The following ELP3 variants were observed in gnomAD, a reference collection of about 807,000 sequenced individuals.
ELP3 encodes elongator complex protein 3.
In ELP3, 56 loss-of-function variants were observed where a neutral mutation model predicts 74.9. That is an observed-to-expected ratio of 0.75 (90% CI 0.60 to 0.93). The LOEUF (loss-of-function observed/expected upper bound fraction) is 0.93. Among genes scored for constraint, ELP3 ranks in the 40% least tolerant of loss-of-function variants. ELP3 has a pLI of 0.00. For synonymous variants in ELP3, 222 were observed against 239.8 expected (o/e 0.93, Z 0.68); for missense variants, 573 against 686.5 (o/e 0.83, Z 1.85).
intron 14 of ELP3, among the ~76,000 whole-genome samples, chr8:28,186,786 C>T (rs1815256477): frequency 6.6e-6 from 1 of 152,198 alleles, no homozygotes; most frequent in South Asian, 2.1e-4. Context: ...CCTGTTAGTC[C>T]ATGAATAGAT....
chr8:28,167,130 G>A (rs988659450), intron 14 of ELP3, among the ~76,000 whole-genome samples: 2 of 152,216 alleles, frequency 1.3e-5, no homozygotes, highest in Admixed American at 1.3e-4. Context: ...CAGAGAAGGG[G>A]AGAGGAGAGA....
At chr8:28,128,042 T>C (rs997218155) in intron 7 of ELP3, among the ~76,000 whole-genome samples, 1 of 152,206 alleles carries the variant, frequency 6.6e-6, no homozygotes, top group African/African-American at 2.4e-5. Flanking sequence ...ATTTTTACTT[T>C]TCAGTAAAGA....
chr8:28,135,247 T>C (rs951071519), intron 9 of ELP3, among the ~76,000 whole-genome samples: 1 of 152,184 alleles, frequency 6.6e-6, no homozygotes, highest in Non-Finnish European at 1.5e-5. Flanking sequence ...TCCTTATGCT[T>C]TTAAGAGTAG....
At chr8:28,150,378 C>A (rs79519536) in intron 10 of ELP3, among the ~76,000 whole-genome samples, 3,796 of 152,204 alleles carry the variant, frequency 0.025, 178 homozygotes, top group African/African-American at 0.087. Flanking sequence ...TTTAACGTTT[C>A]TTGCAAGGCA....
chr8:28,111,698 A>G (rs1811922572), intron 6 of ELP3, among the ~76,000 whole-genome samples: 2 of 152,228 alleles, frequency 1.3e-5, no homozygotes, highest in South Asian at 4.1e-4. Context: ...ATGTAAAACT[A>G]TTGAGCATGA....
At chr8:28,111,915 A>G (rs1285171984) in intron 6 of ELP3, among the ~76,000 whole-genome samples, 1 of 152,178 alleles carries the variant, frequency 6.6e-6, no homozygotes, top group Non-Finnish European at 1.5e-5. Context: ...TTTGATGAGT[A>G]TCTCTTGTAA....
chr8:28,118,150 G>A (rs979537041), intron 7 of ELP3, among the ~76,000 whole-genome samples: 1 of 152,024 alleles, frequency 6.6e-6, no homozygotes, highest in East Asian at 1.9e-4. Context: ...AGCTTAGCAG[G>A]GTTTTTTAAA....
chr8:28,122,795 G>A (rs539287996), intron 7 of ELP3, among the ~76,000 whole-genome samples: 13 of 151,834 alleles, frequency 8.6e-5, no homozygotes, highest in South Asian at 2.1e-4. Flanking sequence ...CTTTCTTTCC[G>A]TTTAATTGCT....
chr8:28,156,665 C>T (rs1201199842), intron 11 of ELP3, among the ~76,000 whole-genome samples: 1 of 152,148 alleles, frequency 6.6e-6, no homozygotes, highest in Non-Finnish European at 1.5e-5. Flanking sequence ...AGGGCCGACT[C>T]CTGGGCTCTG....
chr8:28,163,290 C>T (rs1258491943), intron 14 of ELP3, among the ~76,000 whole-genome samples: 5 of 152,088 alleles, frequency 3.3e-5, no homozygotes, highest in African/African-American at 9.7e-5. Context: ...TTTGTTTTCC[C>T]ATTAGACTAC....
At chr8:28,092,888 T>C (rs1396481299), upstream of ELP3, 1 of 363,690 alleles carries the variant, frequency 2.7e-6, no homozygotes, top group East Asian at 7.0e-5. Context: ...GCGCAGCCTC[T>C]ATCCAGGAAC....
intron 3 of ELP3, 150 bp downstream of exon 3, chr8:28,100,116 C>T (rs1363631346): frequency 1.1e-6 from 1 of 943,074 alleles, no homozygotes; most frequent in African/African-American, 1.6e-5. Flanking sequence ...GAGTGGAGAC[C>T]TGTGCTGAAT....
chr8:28,132,440 C>T (rs1812819847), intron 9 of ELP3, 36 bp downstream of exon 9: 1 of 1,613,140 alleles, frequency 6.2e-7, no homozygotes, highest in African/African-American at 1.3e-5. Flanking sequence ...TTCAGAATGG[C>T]TCTGCATGTT....
intron 14 of ELP3, among the ~76,000 whole-genome samples, chr8:28,187,402 C>G (rs536155607): frequency 5.3e-5 from 8 of 152,290 alleles, no homozygotes; most frequent in African/African-American, 1.9e-4. Context: ...AAAACAAAAT[C>G]CCTGCCCTCC....
At position 28,102,333 on chromosome 8, in the gene ELP3, A is replaced by C. The variant is rs115539489; in HGVS notation, c.258+2367A>C. 6.5e-3 allele frequency among the ~76,000 whole-genome samples: 988 copies of C among 152,260 alleles called. 14 individuals carry two copies. Among genetic ancestry groups the C allele is most frequent in the African/African-American group, 0.022 (920 of 41,556 alleles). On this transcript the variant is annotated intron_variant, in intron 3 of 14. Coordinates refer to ENST00000256398, the MANE Select transcript of ELP3 (RefSeq NM_018091.6). ...ATGTTAGTTCATGGTACCACCGTGC[A>C]CTCAGTTTCCAAAAAATGTGAAATG...
chr8:28,160,387 A>G lies in ELP3; in HGVS notation c.1416A>G (p.Val472=). The G allele has an allele frequency of 6.2e-7, 1 of 1,614,204 alleles. No homozygotes were observed. The highest frequency in any genetic ancestry group is 8.5e-7 in the Non-Finnish European group (1 of 1,180,042). The change falls in exon 13 of 15, where the codon GTA becomes GTG. Residue 472 remains valine (V), a synonymous_variant. Coordinates refer to ENST00000256398, the MANE Select transcript of ELP3 (RefSeq NM_018091.6). ...AATTGGGTGGAGGTGTCTCCATAGT[A>G]CGAGAGCTGCATGTGTATGGGAGTG... is the stretch of plus-strand genomic sequence containing the variant. The part of the protein sequence containing the change: ...RFELGGGVSI[V]RELHVYGSVV...
chr8:28,094,598 A>T (rs1811179005), intron 1 of ELP3, among the ~76,000 whole-genome samples: 1 of 151,838 alleles, frequency 6.6e-6, no homozygotes, highest in Non-Finnish European at 1.5e-5. Context: ...AGGTGCCTGT[A>T]ATCTAATCCC....
intron 14 of ELP3, among the ~76,000 whole-genome samples, chr8:28,184,603 C>G (rs901109652): frequency 6.6e-6 from 1 of 152,182 alleles, no homozygotes; most frequent in African/African-American, 2.4e-5. Flanking sequence ...TATCCAAGGA[C>G]TGTCCAGTCC....
intron 7 of ELP3, among the ~76,000 whole-genome samples, chr8:28,122,239 G>A (rs1267891152): frequency 6.6e-6 from 1 of 152,088 alleles, no homozygotes; most frequent in African/African-American, 2.4e-5. Context: ...ACAGGGTGGT[G>A]GTCTGTAATT....
Sources: allele counts gnomAD v4.1 joint callset (sites outside exome capture counted in the v4.1 genomes callset), GRCh38; gene constraint gnomAD v4.1.1; transcripts MANE v1.5; gene names NCBI Gene and HGNC (gene_info 2026-07-23, HGNC 2026-07-21).